SVIL: variants seen among roughly 807,000 people sequenced by gnomAD.
SVIL encodes the protein supervillin.
A neutral mutation model predicts 240.4 loss-of-function variants in SVIL; 101 were observed. That is an observed-to-expected ratio of 0.42 (90% CI 0.36 to 0.50). SVIL has a LOEUF of 0.50. Ranked by LOEUF, SVIL falls within the 20% of genes least tolerant of loss-of-function variation. SVIL has a pLI of 0.01. For missense variants in SVIL, 2,512 were observed against 2,818.7 expected, an observed-to-expected ratio of 0.89 and a Z score of 2.46; for synonymous variants, 999 against 1,100.0, an observed-to-expected ratio of 0.91 and a Z score of 1.82.
chr10:29,556,449 C>T (rs1423238086), intron 3 of SVIL, among the ~76,000 whole-genome samples: 1 of 152,156 alleles, frequency 6.6e-6, no homozygotes, highest in East Asian at 1.9e-4. Context: ...CACACATGCA[C>T]GCATACACAC....
intron 1 of SVIL, among the ~76,000 whole-genome samples, chr10:29,629,466 T>C (rs765512808): frequency 1.3e-5 from 2 of 152,150 alleles, no homozygotes; most frequent in Non-Finnish European, 2.9e-5. Flanking sequence ...AATCAGACGC[T>C]GCAGTAACAA....
intron 17 of SVIL, among the ~76,000 whole-genome samples, chr10:29,507,278 G>A (rs1333493885): frequency 2.6e-5 from 4 of 152,138 alleles, no homozygotes; most frequent in Non-Finnish European, 5.9e-5. Context: ...CATCCTCACT[G>A]AGCTGGAGCG....
At chr10:29,654,593 C>A (rs1958940609) in intron 3 of SVIL, among the ~76,000 whole-genome samples, 1 of 152,084 alleles carries the variant, frequency 6.6e-6, no homozygotes, top group South Asian at 2.1e-4. Flanking sequence ...TCCAGAGAGA[C>A]AGAATGAATA....
chr10:29,617,314 C>A (rs532332455), intron 1 of SVIL, among the ~76,000 whole-genome samples: 1 of 152,120 alleles, frequency 6.6e-6, no homozygotes, highest in Non-Finnish European at 1.5e-5. Flanking sequence ...CATTTGCAGG[C>A]CCCTGGTCAT....
chr10:29,660,402 AGGAATT>A (rs1383977924), intron 2 of SVIL, among the ~76,000 whole-genome samples: 1 of 152,192 alleles, frequency 6.6e-6, no homozygotes, highest in Non-Finnish European at 1.5e-5. Flanking sequence ...AATTGAGCCC[AGGAATT>A]TGAGACCAGC....
intron 16 of SVIL, among the ~76,000 whole-genome samples, chr10:29,519,185 A>C (rs1173493861): frequency 6.6e-6 from 1 of 152,210 alleles, no homozygotes; most frequent in Non-Finnish European, 1.5e-5. Flanking sequence ...GTGTCTTTCT[A>C]ACACTGCTGT....
In SVIL at chr10:29,481,576, C is replaced by G. The variant is rs753833682; in HGVS notation, c.5100+8G>C. On this transcript the variant is annotated splice_region_variant and intron_variant, in intron 28 of 37. Transcript: ENST00000355867. ...GCCCCGAGTTTTGAGGCTTGGTCGC[C>G]GGAATACCTTGTGCTGGGCAAGTTC... is the stretch of plus-strand genomic sequence containing the variant. The G allele has an allele frequency of 1.9e-6, 3 of 1,613,182 alleles. No individual in the cohort carries two copies. The African/African-American group carries it at 4.0e-5, about 22-fold the overall frequency.
At chr10:29,636,055 T>C (rs201153542), upstream of SVIL, among the ~76,000 whole-genome samples, 3 of 152,058 alleles carry the variant, frequency 2.0e-5, no homozygotes, top group East Asian at 5.8e-4. Flanking sequence ...TAATTAAACA[T>C]TGGCTTCATG....
At chr10:29,590,874 A>T (rs1344509172) in intron 1 of SVIL, among the ~76,000 whole-genome samples, 1 of 152,362 alleles carries the variant, frequency 6.6e-6, no homozygotes, top group African/African-American at 2.4e-5. Flanking sequence ...CTGGTGGCAG[A>T]AAAGAATCAA....
At chr10:29,495,333 C>T in intron 18 of SVIL, 152 bp from the exon 19 acceptor site, 2 of 577,772 alleles carry the variant, frequency 3.5e-6, no homozygotes, top group South Asian at 4.5e-5. Flanking sequence ...TTCACACGTA[C>T]CACGACTGTG....
chr10:29,558,537 A>G (rs1363647329), intron 3 of SVIL, among the ~76,000 whole-genome samples: 1 of 152,132 alleles, frequency 6.6e-6, no homozygotes, highest in East Asian at 1.9e-4. Flanking sequence ...AAGAAGCAAC[A>G]GAGAGACATT....
chr10:29,691,355 G>A (rs1961489971), intron 1 of SVIL, among the ~76,000 whole-genome samples: 1 of 151,902 alleles, frequency 6.6e-6, no homozygotes, highest in Admixed American at 6.6e-5. Context: ...GGGACTACAG[G>A]CGCCCACCAC....
chr10:29,511,639 T>C (rs1949848691), intron 17 of SVIL, among the ~76,000 whole-genome samples: 1 of 152,264 alleles, frequency 6.6e-6, no homozygotes, highest in African/African-American at 2.4e-5. Context: ...CACATGCATA[T>C]ACTTTCTAAA....
At position 29,530,677 on chromosome 10, in the gene SVIL, A is replaced by T. The variant is rs1951294420; in HGVS notation, c.2045-9T>A. On this transcript the variant is annotated splice_polypyrimidine_tract_variant and intron_variant, in intron 10 of 37. Transcript: ENST00000355867. The stretch of plus-strand genomic sequence containing the variant: ...ATCCACCTTTTCTTCATCTGCAAAA[A>T]GCCACAAATTAAAAACTGGACATCA... 10 of 1,614,128 alleles carry T rather than the reference A, an allele frequency of 6.2e-6. No individual in the cohort carries two copies. The highest frequency in any genetic ancestry group is 8.5e-6 in the Non-Finnish European group (10 of 1,179,990).
At chr10:29,541,167 T>C (rs988969256) in intron 6 of SVIL, among the ~76,000 whole-genome samples, 1 of 152,228 alleles carries the variant, frequency 6.6e-6, no homozygotes. Flanking sequence ...TTTCATGAAG[T>C]CTTCCTAAAT....
chr10:29,465,076 GC>G (rs772491381), intron 34 of SVIL, among the ~76,000 whole-genome samples: 2 of 152,200 alleles, frequency 1.3e-5, no homozygotes, highest in Non-Finnish European at 2.9e-5. Flanking sequence ...TGCAGCTGGG[GC>G]TGGCCATGTG....
intron 6 of SVIL, among the ~76,000 whole-genome samples, chr10:29,540,215 G>A (rs757485124): frequency 9.2e-5 from 14 of 152,100 alleles, no homozygotes; most frequent in African/African-American, 3.1e-4. Context: ...AAGCCCTTGC[G>A]GTGGTTCTAA....
At chr10:29,682,692 G>T (rs1448954348) in intron 2 of SVIL, among the ~76,000 whole-genome samples, 1 of 152,172 alleles carries the variant, frequency 6.6e-6, no homozygotes, top group East Asian at 1.9e-4. Flanking sequence ...GAAGAAAGAG[G>T]AGTATACAAA....
At chr10:29,540,070 T>A (rs117252974) in intron 6 of SVIL, among the ~76,000 whole-genome samples, 2 of 152,144 alleles carry the variant, frequency 1.3e-5, no homozygotes, top group Non-Finnish European at 2.9e-5. Context: ...TTATTCTACC[T>A]GTTTTCATCC....
Sources: gnomAD v4.1 joint callset for allele counts (sites outside exome capture counted in the v4.1 genomes callset) on GRCh38, gnomAD v4.1.1 for gene constraint, MANE v1.5 for transcripts, NCBI Gene and HGNC (gene_info 2026-07-23, HGNC 2026-07-21) for gene names.